ACACA: variants seen among roughly 807,000 people sequenced by gnomAD.
The protein encoded by ACACA is acetyl-CoA carboxylase 1.
ACACA carries 103 observed loss-of-function variants against 296.1 expected under a neutral mutation model. That is an observed-to-expected ratio of 0.35 (90% CI 0.30 to 0.41). ACACA has a LOEUF of 0.41. ACACA is among the 10% of genes least tolerant of loss of function. The pLI is 1.00. For missense variants in ACACA, 1,554 were observed against 2,989.7 expected, an observed-to-expected ratio of 0.52 and a Z score of 11.20; for synonymous variants, 953 against 1,038.6, an observed-to-expected ratio of 0.92 and a Z score of 1.58.
At position 37,406,659 on chromosome 17, in the gene ACACA, C is replaced by T. The variant is rs2051526098; in HGVS notation, c.-360G>A. ...CTCAGGCAACGGGCCACGCGCCACACGGGCAAAGTGATTACTGGTCGGATC... is the reference window on the plus strand; with the variant it reads ...CTCAGGCAACGGGCCACGCGCCACATGGGCAAAGTGATTACTGGTCGGATC... On this transcript the variant is annotated 5_prime_UTR_variant, in exon 1 of 56. In the 5' UTR this introduces an upstream ATG that the reference lacks. Transcript: ENST00000616317. The T allele has an allele frequency of 4.4e-6, 2 of 456,780 alleles. No homozygotes were observed. Among genetic ancestry groups the T allele is most frequent in the Admixed American group, 3.5e-5 (1 of 28,688 alleles). 28.3% of individuals were successfully genotyped at this position (456,780 alleles called of 1,614,324 possible). A position where few individuals can be genotyped will look rare whatever the true frequency, so the allele number is the denominator to read the frequency against.
At chr17:37,266,506 TG>T in intron 10 of ACACA, among the ~76,000 whole-genome samples, 1 of 151,550 alleles carries the variant, frequency 6.6e-6, no homozygotes, top group Non-Finnish European at 1.5e-5. Flanking sequence ...TCTTTCTAGC[TG>T]AAAGGGTAAT....
Position 37,406,370 on chromosome 17 carries a change from AT to A in ACACA, c.-72del. ...GGGATGGTTCTTTCCAAAGAAGACA[AT>A]TTCGACGTTCCAGGAGCATCTGATT... is the stretch of plus-strand genomic sequence containing the variant. On this transcript the variant is annotated 5_prime_UTR_variant, in exon 1 of 56. It removes the in-frame stop codon of an upstream open reading frame in the 5' UTR. Coordinates refer to ENST00000616317, the MANE Select transcript of ACACA (RefSeq NM_198834.3). 2 of 1,549,342 alleles carry A rather than the reference AT, an allele frequency of 1.3e-6. No homozygotes were observed. Among genetic ancestry groups the A allele is most frequent in the South Asian group, 2.2e-5 (2 of 89,812 alleles).
chr17:37,125,751 A>G lies in ACACA; in HGVS notation c.5988T>C (p.Ser1996=), dbSNP rs1391528201. The G allele has an allele frequency of 6.2e-7, 1 of 1,614,014 alleles. No homozygotes were observed. The highest frequency in any genetic ancestry group is 8.5e-7 in the Non-Finnish European group (1 of 1,180,018). Residue 1996 remains serine (S), a synonymous_variant, in exon 48 of 56, where the codon TCT becomes TCC. Coordinates refer to ENST00000616317, the MANE Select transcript of ACACA (RefSeq NM_198834.3). ...CCCAGGGCTGCATAATCTCTGAGAA[A>G]GATCCATAGTCAAAAAAGCCACTCA... ...QWLSGFFDYG[S]FSEIMQPWAQ... is the part of the protein sequence containing the mutation.
At chr17:37,337,690 T>C (rs1251348860) in intron 2 of ACACA, among the ~76,000 whole-genome samples, 1 of 151,708 alleles carries the variant, frequency 6.6e-6, no homozygotes, top group Non-Finnish European at 1.5e-5. Context: ...TGAGCTCAAG[T>C]GATCCTCCCA....
At chr17:37,298,707 G>T (rs2083471575) in intron 3 of ACACA, among the ~76,000 whole-genome samples, 1 of 152,146 alleles carries the variant, frequency 6.6e-6, no homozygotes, top group Non-Finnish European at 1.5e-5. Flanking sequence ...GTGCAGACCT[G>T]CAAGAGGCCT....
chr17:37,089,218 G>A, intron 54 of ACACA, 144 bp from the exon 55 acceptor site: 1 of 1,231,458 alleles, frequency 8.1e-7, no homozygotes, highest in Non-Finnish European at 1.2e-6. Context: ...CGTGCAGGAG[G>A]AGGAAGTAGG....
intron 45 of ACACA, among the ~76,000 whole-genome samples, chr17:37,137,616 A>G (rs1420707857): frequency 1.3e-5 from 2 of 152,216 alleles, no homozygotes; most frequent in African/African-American, 4.8e-5. Context: ...TTAAACCACT[A>G]TAAGCAAAAT....
intron 47 of ACACA, 94 bp from the exon 48 acceptor site, chr17:37,125,888 A>C: frequency 3.5e-6 from 4 of 1,132,968 alleles, no homozygotes; most frequent in Non-Finnish European, 5.3e-6. Flanking sequence ...TTGGGGGATT[A>C]TTTTGGGGAG....
chr17:37,112,883 G>T (rs1235894483), intron 51 of ACACA, among the ~76,000 whole-genome samples: 2 of 152,176 alleles, frequency 1.3e-5, no homozygotes, highest in African/African-American at 2.4e-5. Flanking sequence ...CTCCCTTACA[G>T]TTTTTTTGGG....
At chr17:37,193,184 T>C (rs1367458325) in intron 36 of ACACA, among the ~76,000 whole-genome samples, 190 bp downstream of exon 36, 1 of 152,190 alleles carries the variant, frequency 6.6e-6, no homozygotes, top group East Asian at 1.9e-4. Context: ...TACATTTGGT[T>C]GTTTCCCAAA....
chr17:37,184,361 T>C (rs192151327), intron 39 of ACACA, among the ~76,000 whole-genome samples: 1 of 152,152 alleles, frequency 6.6e-6, no homozygotes, highest in Admixed American at 6.5e-5. Flanking sequence ...CCAAATGAAA[T>C]AGAAATGAAA....
intron 45 of ACACA, among the ~76,000 whole-genome samples, chr17:37,132,334 C>T (rs1277787460): frequency 6.6e-6 from 1 of 152,096 alleles, no homozygotes; most frequent in Admixed American, 6.5e-5. Flanking sequence ...AAATCCAAAC[C>T]AAAGCAAATA....
chr17:37,107,293 G>A (rs571763608), intron 52 of ACACA, among the ~76,000 whole-genome samples: 2 of 152,306 alleles, frequency 1.3e-5, no homozygotes, highest in Non-Finnish European at 2.9e-5. Context: ...TCAGCCTCTC[G>A]AAGATGGACA....
intron 28 of ACACA, 28 bp downstream of exon 28, chr17:37,223,484 G>T: frequency 6.6e-7 from 1 of 1,517,284 alleles, no homozygotes; most frequent in Non-Finnish European, 9.2e-7. Context: ...AAAGGAAAAG[G>T]TCATGTCCCA....
At chr17:37,207,389 T>C (rs1047350123) in intron 31 of ACACA, among the ~76,000 whole-genome samples, 2 of 152,238 alleles carry the variant, frequency 1.3e-5, no homozygotes, top group East Asian at 3.8e-4. Context: ...GACAGCTTCT[T>C]CTGTTAGCTC....
At chr17:37,233,372 G>A (rs1026180710) in intron 25 of ACACA, among the ~76,000 whole-genome samples, 11 of 152,132 alleles carry the variant, frequency 7.2e-5, no homozygotes, top group East Asian at 1.9e-4. Flanking sequence ...CAATCACTCC[G>A]CAAAAGGAGC....
chr17:37,395,737 T>C (rs184410032), intron 1 of ACACA, among the ~76,000 whole-genome samples: 24 of 152,142 alleles, frequency 1.6e-4, no homozygotes, highest in African/African-American at 5.8e-4. Context: ...GAGACGAGGT[T>C]TCACCATGTT....
chr17:37,360,000 A>G (rs1234727712), intron 1 of ACACA, among the ~76,000 whole-genome samples: 1 of 152,132 alleles, frequency 6.6e-6, no homozygotes, highest in East Asian at 1.9e-4. Flanking sequence ...TTCGGATTGG[A>G]GAATGCTTCC....
intron 21 of ACACA, 66 bp downstream of exon 21, chr17:37,244,522 T>G (rs2080593144): frequency 1.8e-5 from 29 of 1,582,562 alleles, no homozygotes; most frequent in Non-Finnish European, 2.5e-5. Context: ...ATTATGAGAC[T>G]TGGAACTATT....
Sources: gnomAD v4.1 joint callset for allele counts (sites outside exome capture counted in the v4.1 genomes callset) on GRCh38, gnomAD v4.1.1 for gene constraint, MANE v1.5 for transcripts, NCBI Gene and HGNC (gene_info 2026-07-23, HGNC 2026-07-21) for gene names.